Variants in CAMTA1 observed in about 807,000 individuals in gnomAD.
CAMTA1 encodes calmodulin-binding transcription activator 1.
CAMTA1 carries 27 observed loss-of-function variants against 170.9 expected under a neutral mutation model. The observed-to-expected ratio is 0.16, with a 90% CI of 0.12 to 0.22. The LOEUF (loss-of-function observed/expected upper bound fraction) is 0.22, where lower values mean the gene tolerates loss of function less well. CAMTA1 is among the 10% of genes least tolerant of loss of function. The pLI is 1.00. For synonymous variants in CAMTA1, 833 were observed against 891.5 expected (o/e 0.93, Z 1.17); for missense variants, 1,619 against 2,217.2 (o/e 0.73, Z 5.42).
chr1:7,564,291 G>A (rs377640228), intron 6 of CAMTA1, among the ~76,000 whole-genome samples: 1 of 152,224 alleles, frequency 6.6e-6, no homozygotes, highest in Admixed American at 6.5e-5. Flanking sequence ...CGCCAACTCA[G>A]CTCTAATCTT....
chr1:7,129,856 C>T (rs1181465222), intron 4 of CAMTA1, among the ~76,000 whole-genome samples: 8 of 151,408 alleles, frequency 5.3e-5, no homozygotes, highest in Admixed American at 1.3e-4. Context: ...GATTAGTATG[C>T]GTTTTCTAGC....
chr1:6,807,711 C>G (rs1459193273), intron 1 of CAMTA1, among the ~76,000 whole-genome samples: 1 of 142,598 alleles, frequency 7.0e-6, no homozygotes, highest in Non-Finnish European at 1.5e-5. Flanking sequence ...CAGAGCAAGA[C>G]TTCATCTCAA....
chr1:7,319,929 A>G (rs1259772351), intron 5 of CAMTA1, among the ~76,000 whole-genome samples: 6 of 152,142 alleles, frequency 3.9e-5, no homozygotes, highest in Non-Finnish European at 8.8e-5. Context: ...GAGAAATGCA[A>G]TTCTTTTGTG....
chr1:7,614,520 A>G (rs539690739), intron 6 of CAMTA1, among the ~76,000 whole-genome samples: 9 of 152,282 alleles, frequency 5.9e-5, no homozygotes, highest in Admixed American at 2.0e-4. Context: ...CTTCCCAGAT[A>G]TATGACAGTG....
At chr1:7,758,031 C>CAT (rs2096943727) in intron 22 of CAMTA1, among the ~76,000 whole-genome samples, 1 of 152,098 alleles carries the variant, frequency 6.6e-6, no homozygotes, top group Non-Finnish European at 1.5e-5. Context: ...TCACCCTCTG[C>CAT]ATATATATAG....
intron 3 of CAMTA1, among the ~76,000 whole-genome samples, chr1:6,940,841 G>A (rs1440478021): frequency 1.4e-5 from 2 of 142,020 alleles, no homozygotes; most frequent in African/African-American, 5.3e-5. Context: ...CCAAGGCCGG[G>A]CTCAGCACTA....
At position 7,641,456 on chromosome 1, in the gene CAMTA1, G is replaced by A. The variant is rs143340403; in HGVS notation, c.664+903G>A. On this transcript the variant is annotated intron_variant, in intron 7 of 22. Coordinates refer to ENST00000303635, the MANE Select transcript of CAMTA1 (RefSeq NM_015215.4). The surrounding 1 kb of genome is among the most constrained non-coding windows in gnomAD (Gnocchi z 4.5). ...GCAGCTGTTGGTCACCATATACAGC[G>A]GGGGGACTGAAATATTCTTTCTGCG... Among the ~76,000 whole-genome samples, 51 of 152,260 alleles carry A rather than the reference G, an allele frequency of 3.3e-4. No individual in the cohort carries two copies. The highest frequency in any genetic ancestry group is 4.7e-4 in the Non-Finnish European group (32 of 68,004).
At chr1:7,272,098 A>C (rs1669892297) in intron 5 of CAMTA1, among the ~76,000 whole-genome samples, 1 of 152,176 alleles carries the variant, frequency 6.6e-6, no homozygotes, top group African/African-American at 2.4e-5. Context: ...ATACATGAGC[A>C]ATAAACAATT....
chr1:7,542,259 TTTG>T (rs150672228), intron 6 of CAMTA1, among the ~76,000 whole-genome samples: 16,658 of 151,696 alleles, frequency 0.11, 1,167 homozygotes, highest in Non-Finnish European at 0.15. Flanking sequence ...TTCCTGCCAG[TTTG>T]TTGTTGTTGT....
intron 6 of CAMTA1, among the ~76,000 whole-genome samples, chr1:7,478,285 G>A (rs2093455255): frequency 6.6e-6 from 1 of 151,136 alleles, no homozygotes; most frequent in Non-Finnish European, 1.5e-5. Flanking sequence ...ACTGTGATTA[G>A]GAACAAAACT....
intron 5 of CAMTA1, among the ~76,000 whole-genome samples, chr1:7,270,244 T>TACAC (rs57280188): frequency 2.3e-4 from 29 of 127,218 alleles, no homozygotes; most frequent in Middle Eastern, 8.1e-3. Flanking sequence ...CATATATACA[T>TACAC]ACACACACAC....
intron 3 of CAMTA1, among the ~76,000 whole-genome samples, chr1:7,046,375 A>G (rs370882162): frequency 3.9e-5 from 6 of 152,356 alleles, no homozygotes; most frequent in Admixed American, 2.0e-4. Context: ...CCCAAGTCCC[A>G]GAGAACTCCC....
chr1:7,299,319 C>G lies in CAMTA1; in HGVS notation c.438+49693C>G, dbSNP rs955794240. Among the ~76,000 whole-genome samples the G allele has an allele frequency of 1.3e-5, 2 of 152,214 alleles. No individual in the cohort carries two copies. The highest frequency in any genetic ancestry group is 4.8e-5 in the African/African-American group (2 of 41,446). On this transcript the variant is annotated intron_variant, in intron 5 of 22. Coordinates refer to ENST00000303635, the MANE Select transcript of CAMTA1 (RefSeq NM_015215.4). The surrounding 1 kb of genome is among the most constrained non-coding windows in gnomAD (Gnocchi z 4.7). ...AAAATGTTGTTGAAATCATCTGAGC[C>G]TCTGAGCAAGAGCTTCGCCTTTGAC...
chr1:7,691,738 A>G (rs1463557596), intron 11 of CAMTA1, among the ~76,000 whole-genome samples: 2 of 152,172 alleles, frequency 1.3e-5, no homozygotes, highest in African/African-American at 4.8e-5. Context: ...GAGCAAATAG[A>G]CAAGAGAGCG....
rs960647650 is a variant in CAMTA1, at chr1:7,609,393, A to C, written c.511-31007A>C. Among the ~76,000 whole-genome samples, 2 of 152,192 alleles carry C rather than the reference A, an allele frequency of 1.3e-5. No individual in the cohort carries two copies. The highest frequency in any genetic ancestry group is 2.9e-5 in the Non-Finnish European group (2 of 68,030). On this transcript the variant is annotated intron_variant, in intron 6 of 22. Coordinates refer to ENST00000303635, the MANE Select transcript of CAMTA1 (RefSeq NM_015215.4). This position sits in a 1 kb window ranked among gnomAD's most constrained non-coding sequence, Gnocchi z 4.4. ...ATAATGATCTCGCTGGAGCACCTTC[A>C]TGAATGATTCATGAGGCTCTGCTCA...
chr1:7,650,980 G>A (rs575031190), intron 7 of CAMTA1, among the ~76,000 whole-genome samples: 59 of 152,232 alleles, frequency 3.9e-4, no homozygotes, highest in African/African-American at 1.3e-3. Context: ...CAACAACACC[G>A]AGGACTCCGA....
intron 5 of CAMTA1, among the ~76,000 whole-genome samples, chr1:7,381,937 G>A (rs2087384382): frequency 6.6e-6 from 1 of 152,168 alleles, no homozygotes; most frequent in Non-Finnish European, 1.5e-5. Flanking sequence ...GGAAACGATT[G>A]GTTAGAGGGT....
At position 7,299,517 on chromosome 1, in the gene CAMTA1, C is replaced by A. The variant is rs1445879055; in HGVS notation, c.438+49891C>A. ...ATTTGCCTCCTGCTGCTGCATGACT[C>A]AGACTCGGAGAGCTTCCAACCTCGC... is the stretch of plus-strand genomic sequence containing the variant. On this transcript the variant is annotated intron_variant, in intron 5 of 22. Transcript: ENST00000303635. The surrounding 1 kb of genome is among the most constrained non-coding windows in gnomAD (Gnocchi z 4.7). 6.6e-6 allele frequency among the ~76,000 whole-genome samples: 1 copy of A among 152,236 alleles called. No individual in the cohort carries two copies. Among genetic ancestry groups the A allele is most frequent in the Non-Finnish European group, 1.5e-5 (1 of 68,048 alleles).
chr1:7,608,651 A>G (rs1353173151), intron 6 of CAMTA1, among the ~76,000 whole-genome samples: 1 of 152,158 alleles, frequency 6.6e-6, no homozygotes, highest in Non-Finnish European at 1.5e-5. Flanking sequence ...CTTTCTCCTT[A>G]GAAAATCTGA....
Sources: gnomAD v4.1 joint callset for allele counts (sites outside exome capture counted in the v4.1 genomes callset) on GRCh38, gnomAD v4.1.1 for gene constraint, Gnocchi (gnomAD v3.1) non-coding constraint, MANE v1.5 for transcripts, NCBI Gene and HGNC (gene_info 2026-07-23, HGNC 2026-07-21) for gene names.